The following FILIP1L variants were observed in gnomAD, a reference collection of about 807,000 sequenced individuals.
The protein encoded by FILIP1L is filamin A-interacting protein 1-like.
In FILIP1L, 55 loss-of-function variants were observed where a neutral mutation model predicts 96.6. The ratio of observed to expected loss-of-function variants is 0.57; its 90% confidence interval spans 0.46 to 0.71. The LOEUF is 0.71. Among genes scored for constraint, FILIP1L ranks in the 30% least tolerant of loss-of-function variants. The pLI is 0.00. For synonymous variants in FILIP1L, 467 were observed against 473.9 expected (o/e 0.99, Z 0.19); for missense variants, 1,304 against 1,321.2 (o/e 0.99, Z 0.20).
intron 1 of FILIP1L, chr3:100,040,206 C>G (rs2065180380): frequency 6.6e-6 from 1 of 152,134 alleles, no homozygotes; most frequent in South Asian, 2.1e-4. Flanking sequence ...AGGTAACCAT[C>G]TCTTACCACT....
At chr3:100,082,337 G>A (rs893276017) in intron 1 of FILIP1L, among the ~76,000 whole-genome samples, 2 of 152,152 alleles carry the variant, frequency 1.3e-5, no homozygotes, top group African/African-American at 4.8e-5. Context: ...TACAAATACA[G>A]TATAGCAAAA....
chr3:100,066,920 G>A (rs1275205556), intron 1 of FILIP1L, among the ~76,000 whole-genome samples: 1 of 152,094 alleles, frequency 6.6e-6, no homozygotes, highest in Non-Finnish European at 1.5e-5. Flanking sequence ...GTCATTACTT[G>A]TTTTCTCACA....
At chr3:99,890,701 T>C (rs1429440241) in intron 4 of FILIP1L, among the ~76,000 whole-genome samples, 1 of 152,084 alleles carries the variant, frequency 6.6e-6, no homozygotes, top group Non-Finnish European at 1.5e-5. Flanking sequence ...AGTCTTTTAC[T>C]TTTTAAACTA....
chr3:100,002,296 T>G (rs2107168663), intron 1 of FILIP1L, among the ~76,000 whole-genome samples: 1 of 152,342 alleles, frequency 6.6e-6, no homozygotes, highest in African/African-American at 2.4e-5. Context: ...TTTTTGTACC[T>G]TCAAAACTTC....
intron 5 of FILIP1L, among the ~76,000 whole-genome samples, chr3:99,847,711 C>T (rs1260460295): frequency 6.6e-6 from 1 of 152,102 alleles, no homozygotes; most frequent in Non-Finnish European, 1.5e-5. Flanking sequence ...TCTGAAAGAT[C>T]TTATAGTTCA....
chr3:100,069,533 C>T (rs1442529938), intron 1 of FILIP1L, among the ~76,000 whole-genome samples: 1 of 152,026 alleles, frequency 6.6e-6, no homozygotes, highest in Non-Finnish European at 1.5e-5. Flanking sequence ...ATTTCTGATA[C>T]GGCAGCCAAT....
At chr3:99,881,822 C>T (rs938499389) in intron 4 of FILIP1L, among the ~76,000 whole-genome samples, 2 of 152,184 alleles carry the variant, frequency 1.3e-5, no homozygotes, top group Admixed American at 6.5e-5. Context: ...CGTGAGCCAC[C>T]GTGACTGACC....
chr3:99,947,023 G>C (rs1429165487), intron 1 of FILIP1L, among the ~76,000 whole-genome samples: 1 of 150,702 alleles, frequency 6.6e-6, no homozygotes, highest in African/African-American at 2.4e-5. Context: ...TGTAATCCCA[G>C]ATACTCGGGA....
intron 1 of FILIP1L, chr3:100,011,636 G>A (rs1338612076): frequency 6.6e-6 from 1 of 152,132 alleles, no homozygotes; most frequent in Non-Finnish European, 1.5e-5. Flanking sequence ...ATGAAGCAGT[G>A]GATAGGATGT....
At chr3:100,016,017 A>ACATGTGCTGAC (rs1431962474) in intron 1 of FILIP1L, among the ~76,000 whole-genome samples, 1 of 152,218 alleles carries the variant, frequency 6.6e-6, no homozygotes, top group East Asian at 1.9e-4. Context: ...CCTTAAAAGA[A>ACATGTGCTGAC]CATGTGCTGA....
At chr3:99,855,139 T>C (rs1451343710) in intron 4 of FILIP1L, among the ~76,000 whole-genome samples, 1 of 152,206 alleles carries the variant, frequency 6.6e-6, no homozygotes, top group Non-Finnish European at 1.5e-5. Flanking sequence ...TATTGATTTA[T>C]ACCCAGTCTG....
At chr3:99,909,211 C>G (rs573055791) in intron 4 of FILIP1L, among the ~76,000 whole-genome samples, 1 of 152,134 alleles carries the variant, frequency 6.6e-6, no homozygotes, top group Non-Finnish European at 1.5e-5. Flanking sequence ...AAGTTCTGGC[C>G]TCTTCTCATA....
intron 1 of FILIP1L, among the ~76,000 whole-genome samples, chr3:100,010,776 G>A (rs989619011): frequency 9.5e-6 from 1 of 105,144 alleles, no homozygotes; most frequent in African/African-American, 3.8e-5. Flanking sequence ...CTCCACGCCC[G>A]GATTTTTTTT....
chr3:99,982,592 C>T (rs1709160157), intron 1 of FILIP1L, among the ~76,000 whole-genome samples: 1 of 152,174 alleles, frequency 6.6e-6, no homozygotes, highest in Non-Finnish European at 1.5e-5. Context: ...ATTCTGCCTA[C>T]CTCAGCGTCC....
intron 4 of FILIP1L, among the ~76,000 whole-genome samples, chr3:99,916,626 T>TTA (rs1706963673): frequency 6.6e-6 from 1 of 152,208 alleles, no homozygotes; most frequent in African/African-American, 2.4e-5. Context: ...CTATCATTTT[T>TTA]TAAACAGATG....
intron 5 of FILIP1L, chr3:99,833,228 G>A (rs1942755641): frequency 6.2e-7 from 1 of 1,611,456 alleles, no homozygotes; most frequent in African/African-American, 1.3e-5. Flanking sequence ...TCTGAAGGAT[G>A]TTGAGTTCAA....
At chr3:100,101,352 T>C (rs1228400528) in intron 1 of FILIP1L, among the ~76,000 whole-genome samples, 1 of 152,110 alleles carries the variant, frequency 6.6e-6, no homozygotes, top group Non-Finnish European at 1.5e-5. Context: ...CCAGAGACTT[T>C]TGTGGGAAGA....
intron 1 of FILIP1L, among the ~76,000 whole-genome samples, chr3:99,942,516 T>C (rs1038366005): frequency 1.3e-5 from 2 of 152,198 alleles, no homozygotes; most frequent in Non-Finnish European, 2.9e-5. Context: ...TAGGCACATA[T>C]TGGATACATA....
chr3:99,935,233 A>G (rs912761076), intron 1 of FILIP1L, among the ~76,000 whole-genome samples: 1 of 149,836 alleles, frequency 6.7e-6, no homozygotes, highest in Admixed American at 6.7e-5. Flanking sequence ...AAATTTTGTA[A>G]TAGCAACAGT....
Sources: allele counts gnomAD v4.1 joint callset (sites outside exome capture counted in the v4.1 genomes callset), GRCh38; gene constraint gnomAD v4.1.1; transcripts MANE v1.5; gene names NCBI Gene and HGNC (gene_info 2026-07-23, HGNC 2026-07-21).